The following BACH2 variants were observed in gnomAD, a reference collection of about 807,000 sequenced individuals.
BACH2 encodes the protein BACH transcriptional regulator 2.
In BACH2, 5 loss-of-function variants were observed where a neutral mutation model predicts 61.8. The observed-to-expected ratio is 0.08, with a 90% CI of 0.04 to 0.17. The LOEUF is 0.17. Ranked by LOEUF, BACH2 falls within the 10% of genes least tolerant of loss-of-function variation. The pLI is 1.00. For missense variants in BACH2, 824 were observed against 1,091.1 expected (o/e 0.76, Z 3.45); for synonymous variants, 446 against 440.1 (o/e 1.01, Z -0.17).
intron 4 of BACH2, among the ~76,000 whole-genome samples, chr6:90,135,891 T>C (rs1784255398): frequency 6.6e-6 from 1 of 152,236 alleles, no homozygotes; most frequent in African/African-American, 2.4e-5. Context: ...TCATCGTCTC[T>C]GACCCTTTCC....
chr6:90,225,662 G>A (rs1562514770), intron 3 of BACH2, among the ~76,000 whole-genome samples: 1 of 152,052 alleles, frequency 6.6e-6, no homozygotes, highest in Non-Finnish European at 1.5e-5. Flanking sequence ...AATGCATTTG[G>A]GACTTAATAC....
chr6:90,124,073 C>T (rs562012301), intron 4 of BACH2, among the ~76,000 whole-genome samples: 2 of 152,230 alleles, frequency 1.3e-5, no homozygotes, highest in African/African-American at 4.8e-5. Flanking sequence ...TTCTAGAGGT[C>T]AGGTTGGAGA....
intron 5 of BACH2, among the ~76,000 whole-genome samples, chr6:90,040,561 G>T (rs1779484842): frequency 6.6e-6 from 1 of 151,180 alleles, no homozygotes. Flanking sequence ...AGCTTGTTTG[G>T]TTACAAAATA....
intron 1 of BACH2, among the ~76,000 whole-genome samples, chr6:90,272,270 T>C (rs553441836): frequency 2.6e-5 from 4 of 152,136 alleles, no homozygotes; most frequent in Middle Eastern, 3.4e-3. Context: ...GTTTTTTTTT[T>C]CCTCTTTTTA....
rs1284445265 is a variant in BACH2, at chr6:89,927,612, CACA to C, written c.*4793_*4795del. 2 of 152,804 alleles carry C rather than the reference CACA, an allele frequency of 1.3e-5. No homozygotes were observed. The highest frequency in any genetic ancestry group is 2.9e-5 in the Non-Finnish European group (2 of 68,044). The allele number at this position is 152,804 out of a possible 1,614,324, so 9.5% of individuals were successfully genotyped here. A position where few individuals can be genotyped will look rare whatever the true frequency, so the allele number is the denominator to read the frequency against. ...TGACAGCAAAATGCATACACCGTGT[CACA>C]ACATTAAATCAAAGCTATGAAAGTT... On this transcript the variant is annotated 3_prime_UTR_variant, in exon 9 of 9. Coordinates refer to ENST00000257749, the MANE Select transcript of BACH2 (RefSeq NM_021813.4).
chr6:90,114,235 A>G (rs912698287), intron 4 of BACH2, among the ~76,000 whole-genome samples: 2 of 152,166 alleles, frequency 1.3e-5, no homozygotes, highest in African/African-American at 2.4e-5. Context: ...TCAGGCCAAT[A>G]TCCTTGATGA....
intron 1 of BACH2, among the ~76,000 whole-genome samples, chr6:90,291,471 G>A (rs1450332287): frequency 6.8e-6 from 1 of 146,446 alleles, no homozygotes; most frequent in East Asian, 2.1e-4. Context: ...GTAAAATTAA[G>A]TTTCAGTTTT....
chr6:90,252,179 TCCTTTTTAG>T (rs1770832602), intron 3 of BACH2, among the ~76,000 whole-genome samples: 1 of 152,308 alleles, frequency 6.6e-6, no homozygotes, highest in South Asian at 2.1e-4. Context: ...TGCCCGGGTA[TCCTTTTTAG>T]CAATACAAAG....
At chr6:90,289,575 GGAA>G (rs1351963788) in intron 1 of BACH2, among the ~76,000 whole-genome samples, 4 of 152,158 alleles carry the variant, frequency 2.6e-5, no homozygotes, top group African/African-American at 7.2e-5. Flanking sequence ...GGGACACACT[GGAA>G]GAAGGAGAAC....
At chr6:90,142,850 GAAT>G (rs1784506729) in intron 4 of BACH2, among the ~76,000 whole-genome samples, 1 of 151,778 alleles carries the variant, frequency 6.6e-6, no homozygotes, top group African/African-American at 2.4e-5. Flanking sequence ...ATAGTATTAA[GAAT>G]AATAAAAAAA....
intron 8 of BACH2, among the ~76,000 whole-genome samples, chr6:89,937,934 C>T (rs577099730): frequency 6.6e-6 from 1 of 152,214 alleles, no homozygotes; most frequent in African/African-American, 2.4e-5. Flanking sequence ...TACACACCTG[C>T]GCGCATGCAT....
intron 4 of BACH2, among the ~76,000 whole-genome samples, chr6:90,191,641 AT>A (rs1768578282): frequency 6.6e-6 from 1 of 152,198 alleles, no homozygotes; most frequent in Non-Finnish European, 1.5e-5. Context: ...TATTGGGCTC[AT>A]TACTTAAGGG....
intron 5 of BACH2, chr6:90,062,842 G>A: frequency 9.3e-6 from 7 of 751,312 alleles, no homozygotes; most frequent in Non-Finnish European, 1.1e-5. Flanking sequence ...AGAGCAGTGT[G>A]GGTATTTCAA....
intron 3 of BACH2, among the ~76,000 whole-genome samples, chr6:90,212,267 T>C (rs1225999035): frequency 6.6e-6 from 1 of 152,100 alleles, no homozygotes; most frequent in African/African-American, 2.4e-5. Flanking sequence ...GGTGCTGGGA[T>C]TGAAGGATCC....
intron 4 of BACH2, among the ~76,000 whole-genome samples, chr6:90,203,777 C>T (rs1769039871): frequency 1.3e-5 from 2 of 152,122 alleles, no homozygotes; most frequent in Admixed American, 6.6e-5. Context: ...GGGCCTTATG[C>T]GCAGGAATGC....
intron 4 of BACH2, among the ~76,000 whole-genome samples, chr6:90,165,395 A>G (rs1271635970): frequency 1.3e-5 from 2 of 152,142 alleles, no homozygotes; most frequent in South Asian, 4.1e-4. Context: ...CCACTGCTCA[A>G]TGAAATAAAA....
chr6:90,287,235 C>T (rs145003048), intron 1 of BACH2, among the ~76,000 whole-genome samples: 1 of 152,298 alleles, frequency 6.6e-6, no homozygotes, highest in African/African-American at 2.4e-5. Flanking sequence ...ACCAACTCTC[C>T]TAATGTCCAG....
At chr6:90,279,521 T>TC (rs1318543449) in intron 1 of BACH2, among the ~76,000 whole-genome samples, 1 of 40,310 alleles carries the variant, frequency 2.5e-5, no homozygotes, top group Non-Finnish European at 4.6e-5. Flanking sequence ...AGACTCCGTC[T>TC]CAAAAAAAAA....
chr6:90,144,235 C>T (rs1582415698), intron 4 of BACH2, among the ~76,000 whole-genome samples: 1 of 152,204 alleles, frequency 6.6e-6, no homozygotes, highest in East Asian at 1.9e-4. Context: ...TAATTGTGTA[C>T]AACACAAAGA....
Sources: allele counts gnomAD v4.1 joint callset (sites outside exome capture counted in the v4.1 genomes callset), GRCh38; gene constraint gnomAD v4.1.1; transcripts MANE v1.5; gene names NCBI Gene and HGNC (gene_info 2026-07-23, HGNC 2026-07-21).